TNS3: variants seen among roughly 807,000 people sequenced by gnomAD.
TNS3 encodes tensin-3.
A neutral mutation model predicts 140.9 loss-of-function variants in TNS3; 45 were observed. That is an observed-to-expected ratio of 0.32 (90% CI 0.25 to 0.41). The LOEUF is 0.41. TNS3 is among the 10% of genes least tolerant of loss of function. TNS3 has a pLI of 1.00. For synonymous variants in TNS3, 815 were observed against 788.4 expected, an observed-to-expected ratio of 1.03 and a Z score of -0.56; for missense variants, 1,716 against 1,906.7, an observed-to-expected ratio of 0.90 and a Z score of 1.86.
intron 8 of TNS3, among the ~76,000 whole-genome samples, chr7:47,433,437 T>C (rs1795020830): frequency 2.0e-5 from 3 of 152,152 alleles, no homozygotes; most frequent in African/African-American, 7.2e-5. Flanking sequence ...TGAATTCCAC[T>C]AACAAGAGCT....
chr7:47,571,343 G>A (rs1800549670), intron 1 of TNS3, among the ~76,000 whole-genome samples: 1 of 152,198 alleles, frequency 6.6e-6, no homozygotes, highest in African/African-American at 2.4e-5. Context: ...AAGTGGCAGG[G>A]ACGAGAAGGG....
intron 27 of TNS3, among the ~76,000 whole-genome samples, chr7:47,291,317 T>A (rs1785685894): frequency 6.6e-6 from 1 of 152,054 alleles, no homozygotes; most frequent in Non-Finnish European, 1.5e-5. Flanking sequence ...AACCTAAATA[T>A]CAAGTCCCTA....
intron 16 of TNS3, among the ~76,000 whole-genome samples, chr7:47,379,739 C>A (rs1346882218): frequency 6.6e-6 from 1 of 152,130 alleles, no homozygotes; most frequent in Non-Finnish European, 1.5e-5. Flanking sequence ...CCTTCCCAAG[C>A]CCCCAAACCC....
At position 47,294,789 on chromosome 7, in the gene TNS3, G is replaced by A. The variant is rs1039357371; in HGVS notation, c.3677-961C>T. Among the ~76,000 whole-genome samples, 15 of 152,368 alleles carry A rather than the reference G, an allele frequency of 9.8e-5. No homozygotes were observed. The East Asian group carries it at 2.3e-3, about 23-fold the overall frequency. ...AAATGATCAGATTCCATAAAAGGCT[G>A]TGTTGAATTAAAGTGGGATAAGAAC... On this transcript the variant is annotated intron_variant, in intron 24 of 30. Coordinates refer to ENST00000311160, the MANE Select transcript of TNS3 (RefSeq NM_022748.12).
intron 1 of TNS3, among the ~76,000 whole-genome samples, chr7:47,562,761 C>G (rs1314010859): frequency 6.6e-6 from 1 of 152,188 alleles, no homozygotes. Flanking sequence ...CTTGGAGATG[C>G]TGGTATGGCA....
chr7:47,400,318 C>G, intron 15 of TNS3, 75 bp downstream of exon 15: 1 of 1,216,998 alleles, frequency 8.2e-7, no homozygotes, highest in Non-Finnish European at 1.2e-6. Flanking sequence ...ACTAGTACTA[C>G]AGCCCCAGCG....
chr7:47,393,232 G>T (rs749390317), intron 16 of TNS3, among the ~76,000 whole-genome samples: 20 of 152,096 alleles, frequency 1.3e-4, no homozygotes, highest in Non-Finnish European at 2.1e-4. Flanking sequence ...CCTTCTTTTT[G>T]ATAATTTACA....
At chr7:47,307,896 G>GC (rs1299120871) in intron 20 of TNS3, among the ~76,000 whole-genome samples, 1 of 151,980 alleles carries the variant, frequency 6.6e-6, no homozygotes, top group Non-Finnish European at 1.5e-5. Context: ...TGAGTCTGTT[G>GC]CCTGTGCATA....
At chr7:47,473,535 T>C (rs1797044479) in intron 4 of TNS3, among the ~76,000 whole-genome samples, 1 of 152,148 alleles carries the variant, frequency 6.6e-6, no homozygotes, top group African/African-American at 2.4e-5. Context: ...CTGTGGTGTA[T>C]AGACCCGTGT....
At position 47,405,365 on chromosome 7, in the gene TNS3, G is replaced by A. The variant is rs1161093184; in HGVS notation, c.724-4451C>T. 4 of 603,900 alleles carry A rather than the reference G, an allele frequency of 6.6e-6. No homozygotes were observed. The Admixed American group carries it at 8.5e-5, about 13-fold the overall frequency. 37.4% of individuals were successfully genotyped at this position (603,900 alleles called of 1,614,324 possible). A position where few individuals can be genotyped will look rare whatever the true frequency, so the allele number is the denominator to read the frequency against. On this transcript the variant is annotated intron_variant, in intron 13 of 30. Transcript: ENST00000311160. ...ACTCAATGCTCCACTGGTGGCCCAG[G>A]CAACTGTCTACGCAGGCCTCAAGGA...
chr7:47,389,089 A>AGAG (rs1562675367), intron 16 of TNS3, among the ~76,000 whole-genome samples: 4 of 78,054 alleles, frequency 5.1e-5, no homozygotes, highest in African/African-American at 2.3e-4. Flanking sequence ...AAGAAGAGGA[A>AGAG]GAGGAAGAGG....
Position 47,336,916 on chromosome 7 carries a change from T to C in TNS3, c.2650+7839A>G, listed in dbSNP as rs1036256151. Among the ~76,000 whole-genome samples the C allele has an allele frequency of 1.5e-3, 236 of 152,300 alleles. 2 individuals are homozygous for C. The highest frequency in any genetic ancestry group is 4.4e-4 in the Non-Finnish European group (30 of 68,024). ...CTTGACCAAACCTTAGCCAGGCTCC[T>C]CCAAGCCCTCTTCTCCACTAGGCCT... On this transcript the variant is annotated intron_variant, in intron 20 of 30. Transcript: ENST00000311160.
intron 2 of TNS3, among the ~76,000 whole-genome samples, chr7:47,516,597 G>A (rs1001353924): frequency 3.9e-5 from 6 of 152,092 alleles, no homozygotes; most frequent in African/African-American, 7.2e-5. Flanking sequence ...GACTGTGCCC[G>A]GCTCCCAGCT....
chr7:47,352,529 A>T (rs1003605606), intron 17 of TNS3, among the ~76,000 whole-genome samples: 1 of 151,274 alleles, frequency 6.6e-6, no homozygotes, highest in Non-Finnish European at 1.5e-5. Flanking sequence ...GTATCTGCAA[A>T]CCTCACACCT....
intron 20 of TNS3, among the ~76,000 whole-genome samples, chr7:47,339,891 A>G (rs1449205785): frequency 6.7e-6 from 1 of 150,216 alleles, no homozygotes; most frequent in Non-Finnish European, 1.5e-5. Context: ...TCAGCACAGA[A>G]GTCTTGTGCA....
At chr7:47,291,581 G>T (rs1785705541) in intron 27 of TNS3, among the ~76,000 whole-genome samples, 1 of 152,146 alleles carries the variant, frequency 6.6e-6, no homozygotes, top group Admixed American at 6.5e-5. Flanking sequence ...GTTGCTGGCA[G>T]TGTGGGTCAA....
chr7:47,346,376 C>G lies in TNS3; in HGVS notation c.2282-20G>C, dbSNP rs1471157914. ...AGGAGCCTGTTAAAAGGGAGACAAG[C>G]AGGCTGCAGGGCGCTTCCTCAAGGC... is the stretch of plus-strand genomic sequence containing the variant. On this transcript the variant is annotated intron_variant, in intron 17 of 30. Coordinates refer to ENST00000311160, the MANE Select transcript of TNS3 (RefSeq NM_022748.12). The G allele has an allele frequency of 6.8e-6, 11 of 1,612,974 alleles. No homozygotes were observed. The South Asian group carries it at 1.2e-4, about 18-fold the overall frequency.
At chr7:47,458,843 T>C (rs1796367228) in intron 4 of TNS3, among the ~76,000 whole-genome samples, 1 of 152,202 alleles carries the variant, frequency 6.6e-6, no homozygotes. Flanking sequence ...ACCACCTACT[T>C]TCATTCTTAT....
rs988838894 is a variant in TNS3 at position 47,297,391 on chromosome 7, T to G, written c.3545-178A>C. Among the ~76,000 whole-genome samples, 4 of 152,036 alleles carry G rather than the reference T, an allele frequency of 2.6e-5. No individual in the cohort carries two copies. The South Asian group carries it at 8.3e-4, about 32-fold the overall frequency. On this transcript the variant is annotated intron_variant, in intron 23 of 30. Transcript: ENST00000311160. The stretch of plus-strand genomic sequence containing the variant: ...TACATGTCCATGCAGTTGAGGGACC[T>G]TCAGGGAGGTCTCTGTGGTGTCGTG...
Sources: allele counts gnomAD v4.1 joint callset (sites outside exome capture counted in the v4.1 genomes callset), GRCh38; gene constraint gnomAD v4.1.1; transcripts MANE v1.5; gene names NCBI Gene and HGNC (gene_info 2026-07-23, HGNC 2026-07-21).